RBM33: variants seen among roughly 807,000 people sequenced by gnomAD.
RBM33 encodes the protein RNA-binding protein 33.
RBM33 carries 28 observed loss-of-function variants against 132.6 expected under a neutral mutation model. That is an observed-to-expected ratio of 0.21 (90% CI 0.16 to 0.29). The LOEUF is 0.29. Ranked by LOEUF, RBM33 falls within the 10% of genes least tolerant of loss-of-function variation. RBM33 has a pLI of 1.00. For synonymous variants in RBM33, 634 were observed against 593.0 expected (o/e 1.07, Z -1.01); for missense variants, 1,291 against 1,518.5 (o/e 0.85, Z 2.49).
At position 155,738,114 on chromosome 7, in the gene RBM33, C is replaced by T. The variant is rs1334596990; in HGVS notation, c.1448C>T (p.Pro483Leu). The change falls in exon 11 of 18, where the codon CCT (proline) becomes CTT (leucine). Residue 483 changes from proline (P) to leucine (L), a missense_variant. Around this residue, in one of 7 missense-constraint regions of RBM33, gnomAD observed 841 missense variants for 912.0 expected, o/e 0.92. Transcript: ENST00000401878. ...CTTTTTCTGGAACAGCGAAGTCCCCCTCCACCACCACCGCCTCCTACCCTT... is the reference window on the plus strand; with the variant it reads ...CTTTTTCTGGAACAGCGAAGTCCCCTTCCACCACCACCGCCTCCTACCCTT... ...SHLFLEQRSP[P>L]PPPPPPTLLN... 1 of 1,613,944 alleles carries T rather than the reference C, an allele frequency of 6.2e-7. No homozygotes were observed. Among genetic ancestry groups the T allele is most frequent in the Non-Finnish European group, 8.5e-7 (1 of 1,179,870 alleles).
Position 155,774,045 on chromosome 7 carries a change from C to T in RBM33, c.3376-514C>T, listed in dbSNP as rs1802525722. 6.6e-6 allele frequency among the ~76,000 whole-genome samples: 1 copy of T among 152,194 alleles called. No individual in the cohort carries two copies. The highest frequency in any genetic ancestry group is 1.5e-5 in the Non-Finnish European group (1 of 68,032). On this transcript the variant is annotated intron_variant, in intron 16 of 17. Coordinates refer to ENST00000401878, the MANE Select transcript of RBM33 (RefSeq NM_053043.3). The surrounding 1 kb of genome is among the most constrained non-coding windows in gnomAD (Gnocchi z 4.2). ...TGACCACGTTATGCTGATGTCTGCCCCAGGCACCACTGCCCTCACCATGGC... is the reference window on the plus strand; with the variant it reads ...TGACCACGTTATGCTGATGTCTGCCTCAGGCACCACTGCCCTCACCATGGC...
intron 1 of RBM33, among the ~76,000 whole-genome samples, chr7:155,645,584 TG>T (rs879275571): frequency 5.3e-4 from 81 of 152,358 alleles, no homozygotes; most frequent in Admixed American, 2.2e-3. Context: ...TTTTCTTGTT[TG>T]CAAGCATAAA....
chr7:155,659,573 T>A (rs1432226399), intron 1 of RBM33, among the ~76,000 whole-genome samples: 2 of 151,826 alleles, frequency 1.3e-5, no homozygotes, highest in Admixed American at 6.6e-5. Context: ...TGCATAAAAA[T>A]GAACAGAGTC....
chr7:155,697,501 CAAT>C (rs1420024218), intron 5 of RBM33, among the ~76,000 whole-genome samples: 1 of 152,044 alleles, frequency 6.6e-6, no homozygotes, highest in Non-Finnish European at 1.5e-5. Flanking sequence ...ATAATTCTAT[CAAT>C]AAGCATTAAA....
chr7:155,753,339 T>G (rs1801742639), intron 14 of RBM33, among the ~76,000 whole-genome samples: 1 of 152,256 alleles, frequency 6.6e-6, no homozygotes, highest in South Asian at 2.1e-4. Context: ...TGAATTGTGT[T>G]AAGTGGCAAA....
In RBM33 at chr7:155,729,377, AG is replaced by A. The variant is rs374732472; in HGVS notation, c.1261-8150del. On this transcript the variant is annotated intron_variant, in intron 9 of 17. Transcript: ENST00000401878. ...TGATCCTCACTCTTCTCCCAGCTGC[AG>A]GGTGAAGAAGCCAGTCAGCATGGTC... Among the ~76,000 whole-genome samples the A allele has an allele frequency of 4.3e-3, 652 of 152,282 alleles. 7 individuals carry two copies. Among genetic ancestry groups the A allele is most frequent in the African/African-American group, 0.015 (619 of 41,552 alleles).
intron 11 of RBM33, 153 bp downstream of exon 11, chr7:155,738,556 T>G (rs1036855281): frequency 1.3e-6 from 1 of 758,484 alleles, no homozygotes; most frequent in African/African-American, 1.8e-5. Flanking sequence ...TAAAGACAAC[T>G]TTTTTCAACA....
chr7:155,724,482 C>T lies in RBM33; in HGVS notation c.1260+6039C>T, dbSNP rs143416074. ...GGCGGAGGTTGCAGTGAGCTGAGAT[C>T]GTGCCACTGCTCTCCAGCCTGGGCG... On this transcript the variant is annotated intron_variant, in intron 9 of 17. Transcript: ENST00000401878. Among the ~76,000 whole-genome samples, 598 of 152,260 alleles carry T rather than the reference C, an allele frequency of 3.9e-3. 2 individuals are homozygous for T. The highest frequency in any genetic ancestry group is 6.7e-3 in the Admixed American group (103 of 15,304).
intron 15 of RBM33, among the ~76,000 whole-genome samples, chr7:155,765,801 A>G (rs1206297628): frequency 1.3e-5 from 2 of 152,160 alleles, no homozygotes; most frequent in Non-Finnish European, 2.9e-5. Context: ...AAAAATAATA[A>G]TGCTTAGGCC....
chr7:155,655,482 C>T (rs1266614466), intron 1 of RBM33, among the ~76,000 whole-genome samples: 1 of 146,686 alleles, frequency 6.8e-6, no homozygotes, highest in African/African-American at 2.5e-5. Context: ...GAGACTATGT[C>T]AGAGTGTCTG....
intron 14 of RBM33, among the ~76,000 whole-genome samples, chr7:155,749,665 C>T (rs1460981089): frequency 6.6e-6 from 1 of 152,190 alleles, no homozygotes; most frequent in Admixed American, 6.5e-5. Context: ...ATAGTGACTG[C>T]CTGGAACAAT....
At chr7:155,747,432 A>G (rs1801553089) in intron 14 of RBM33, among the ~76,000 whole-genome samples, 2 of 152,168 alleles carry the variant, frequency 1.3e-5, no homozygotes, top group East Asian at 1.9e-4. Context: ...GTTTGTTACA[A>G]TGGCCGATGT....
chr7:155,645,559 G>C (rs954746502), intron 1 of RBM33, among the ~76,000 whole-genome samples: 5 of 152,222 alleles, frequency 3.3e-5, no homozygotes, highest in Admixed American at 6.5e-5. Flanking sequence ...TACTGAGTCA[G>C]TTCCTTTGGA....
chr7:155,651,848 G>C (rs1030106470), intron 1 of RBM33, among the ~76,000 whole-genome samples: 1 of 152,116 alleles, frequency 6.6e-6, no homozygotes, highest in Non-Finnish European at 1.5e-5. Flanking sequence ...TGACCAATGA[G>C]GACTACACTT....
intron 16 of RBM33, among the ~76,000 whole-genome samples, chr7:155,770,689 A>G (rs1172530865): frequency 2.0e-5 from 3 of 151,562 alleles, no homozygotes; most frequent in Admixed American, 6.6e-5. Flanking sequence ...GGATTGCAGA[A>G]TCAGTTGTAA....
In RBM33 at chr7:155,728,287, C is replaced by T. The variant is rs117174068; in HGVS notation, c.1261-9243C>T. ...CTCTCTTTCCCTGGGCCAGCCTCTC[C>T]ACCTGTAAAGGTCAGTGGGTACTTC... On this transcript the variant is annotated intron_variant, in intron 9 of 17. Transcript: ENST00000401878. Among the ~76,000 whole-genome samples the T allele has an allele frequency of 2.5e-3, 388 of 152,230 alleles. 2 individuals are homozygous for T. The highest frequency in any genetic ancestry group is 3.5e-3 in the Non-Finnish European group (238 of 68,020).
intron 9 of RBM33, among the ~76,000 whole-genome samples, chr7:155,729,742 C>CA (rs5888634): frequency 0.011 from 1,126 of 101,352 alleles, 9 homozygotes; most frequent in Middle Eastern, 0.022. Context: ...GTCTCTTTAA[C>CA]AAAAAAAAAA....
At chr7:155,676,785 A>G (rs1029016385) in intron 3 of RBM33, among the ~76,000 whole-genome samples, 8 of 152,286 alleles carry the variant, frequency 5.3e-5, no homozygotes, top group South Asian at 4.1e-4. Context: ...TCTCCATTCC[A>G]GCTTTCTCAG....
intron 14 of RBM33, among the ~76,000 whole-genome samples, chr7:155,754,254 C>G (rs1801775874): frequency 6.6e-6 from 1 of 152,170 alleles, no homozygotes; most frequent in African/African-American, 2.4e-5. Context: ...AGCTCACTCA[C>G]CCACCCCAGC....
Sources: allele counts gnomAD v4.1 joint callset (sites outside exome capture counted in the v4.1 genomes callset), GRCh38; gene constraint gnomAD v4.1.1; regional missense constraint gnomAD v4.1.1; non-coding constraint Gnocchi (gnomAD v3.1); transcripts MANE v1.5; gene names NCBI Gene and HGNC (gene_info 2026-07-23, HGNC 2026-07-21).